The following ANKS3 variants were observed in gnomAD, a reference collection of about 807,000 sequenced individuals.
The protein encoded by ANKS3 is ankyrin repeat and SAM domain-containing protein 3.
Under a neutral mutation model 80.7 loss-of-function variants are expected in ANKS3, and 62 were observed. That is an observed-to-expected ratio of 0.77 (90% CI 0.63 to 0.95). The LOEUF (loss-of-function observed/expected upper bound fraction) is 0.95, where lower values mean the gene tolerates loss of function less well. Ranked by LOEUF, ANKS3 falls within the 40% of genes least tolerant of loss-of-function variation. ANKS3 has a pLI of 0.00. For missense variants in ANKS3, 1,150 were observed against 883.6 expected (o/e 1.30, Z -3.82); for synonymous variants, 489 against 355.3 (o/e 1.38, Z -4.23).
chr16:4,717,898 T>C (rs1213109495), intron 6 of ANKS3, among the ~76,000 whole-genome samples: 1 of 151,712 alleles, frequency 6.6e-6, no homozygotes, highest in Non-Finnish European at 1.5e-5. Context: ...CGGGTTCAAG[T>C]GATTCTCCCG....
At position 4,696,991 on chromosome 16, in the gene ANKS3, C is replaced by A. The variant is rs545952268; in HGVS notation, c.*11+26G>T. The A allele has an allele frequency of 6.2e-6, 10 of 1,607,880 alleles. No individual in the cohort carries two copies. In the South Asian group the frequency reaches 1.0e-4, roughly 16 times the overall value. On this transcript the variant is annotated intron_variant, in intron 17 of 17. Transcript: ENST00000304283. ...GACAGGCCCTGCTGCTCCCACCACG[C>A]GGGATCCAGGCTGGCAGACACTCAC... is the stretch of plus-strand genomic sequence containing the variant.
At position 4,726,663 on chromosome 16, in the gene ANKS3, C is replaced by T. The variant is rs774961847; in HGVS notation, c.487G>A (p.Val163Met). 8.1e-6 allele frequency: 13 copies of T among 1,613,664 alleles called. No homozygotes were observed. The highest frequency in any genetic ancestry group is 1.7e-4 in the Middle Eastern group (1 of 6,058). The change falls in exon 5 of 18, where the codon GTG becomes ATG. Residue 163 changes from valine (V) to methionine (M), a missense_variant. Val to Met is a conservative substitution (Grantham distance 21). Coordinates refer to ENST00000304283, the MANE Select transcript of ANKS3 (RefSeq NM_133450.4). ...CACTAAAGATGTGGCAATCACCTCACGTTGGCATTGGCTCCACTGTCCAAG... is the reference window on the plus strand; with the variant it reads ...CACTAAAGATGTGGCAATCACCTCATGTTGGCATTGGCTCCACTGTCCAAG... ...FLLDSGANANVREPICGFTPL... is the reference protein window; with the variant it reads ...FLLDSGANANMREPICGFTPL...
chr16:4,719,130 T>C (rs1056899167), intron 6 of ANKS3, among the ~76,000 whole-genome samples: 1 of 151,072 alleles, frequency 6.6e-6, no homozygotes, highest in African/African-American at 2.4e-5. Flanking sequence ...CAGCCAGGAG[T>C]TTGAGACCAG....
At chr16:4,713,265 G>A (rs1016063657) in intron 7 of ANKS3, among the ~76,000 whole-genome samples, 3 of 151,380 alleles carry the variant, frequency 2.0e-5, no homozygotes, top group Admixed American at 2.0e-4. Flanking sequence ...CGAAACTCCC[G>A]TATCAAAAAA....
chr16:4,719,143 T>A lies in ANKS3; in HGVS notation c.574-4957A>T, dbSNP rs145600463. Among the ~76,000 whole-genome samples, 633 of 152,030 alleles carry A rather than the reference T, an allele frequency of 4.2e-3. 6 individuals carry two copies. The highest frequency in any genetic ancestry group is 0.014 in the African/African-American group (600 of 41,470). ...TGCAGCCAGGAGTTTGAGACCAGCC[T>A]AAGCAACTTAGTGAGACCCCAACTC... is the stretch of plus-strand genomic sequence containing the variant. On this transcript the variant is annotated intron_variant, in intron 6 of 17. Coordinates refer to ENST00000304283, the MANE Select transcript of ANKS3 (RefSeq NM_133450.4).
chr16:4,703,183 G>C (rs960581169), intron 8 of ANKS3, among the ~76,000 whole-genome samples: 2 of 152,184 alleles, frequency 1.3e-5, no homozygotes, highest in Non-Finnish European at 2.9e-5. Context: ...CACCATCATG[G>C]GTCACTACAG....
At chr16:4,716,288 G>A (rs944361426) in intron 6 of ANKS3, among the ~76,000 whole-genome samples, 2 of 150,300 alleles carry the variant, frequency 1.3e-5, no homozygotes, top group South Asian at 2.1e-4. Flanking sequence ...TTGAACCCAG[G>A]AGGTGGAGGT....
At chr16:4,708,991 C>A (rs979748501) in intron 7 of ANKS3, among the ~76,000 whole-genome samples, 54 of 151,266 alleles carry the variant, frequency 3.6e-4, no homozygotes, top group Non-Finnish European at 2.8e-4. Context: ...TGAGGCCGGG[C>A]GCAGTGGCTC....
chr16:4,727,945 G>T (rs563478760), intron 3 of ANKS3: 1 of 152,448 alleles, frequency 6.6e-6, no homozygotes, highest in African/African-American at 2.4e-5. Context: ...ATCCTACATG[G>T]TTAACGCCCA....
intron 2 of ANKS3, among the ~76,000 whole-genome samples, chr16:4,730,452 C>A (rs971189952): frequency 1.3e-5 from 2 of 152,162 alleles, no homozygotes; most frequent in Non-Finnish European, 2.9e-5. Flanking sequence ...AGAGAATTCT[C>A]CACCAACTCT....
intron 6 of ANKS3, among the ~76,000 whole-genome samples, chr16:4,724,426 G>C (rs1436321267): frequency 6.6e-6 from 1 of 152,200 alleles, no homozygotes; most frequent in Non-Finnish European, 1.5e-5. Flanking sequence ...GAAAAAGAGA[G>C]GAGGATCTCT....
In ANKS3 at chr16:4,698,605, G is replaced by A; in HGVS notation, c.1552-6C>T. ...GCCTCTACCTCCTCGCAGCGCTGCA[G>A]GGGGGTGGGGGGCGCGGGGAGGCTG... On this transcript the variant is annotated splice_polypyrimidine_tract_variant and splice_region_variant and intron_variant, in intron 13 of 17. Transcript: ENST00000304283. 1 of 1,546,840 alleles carries A rather than the reference G, an allele frequency of 6.5e-7. No homozygotes were observed. The highest frequency in any genetic ancestry group is 8.7e-7 in the Non-Finnish European group (1 of 1,153,402).
chr16:4,697,558 A>C, intron 15 of ANKS3, 142 bp from the exon 16 acceptor site: 1 of 662,546 alleles, frequency 1.5e-6, no homozygotes, highest in Non-Finnish European at 2.5e-6. Flanking sequence ...CAACCTCCCA[A>C]GGCCGAGGCA....
At chr16:4,698,190 A>G (rs1408028267) in intron 14 of ANKS3, 128 bp from the exon 15 acceptor site, 19 of 1,211,224 alleles carry the variant, frequency 1.6e-5, no homozygotes, top group Non-Finnish European at 2.2e-5. Context: ...GGGCTGGGCC[A>G]GTGCCCCATG....
At position 4,731,310 on chromosome 16, in the gene ANKS3, C is replaced by T. The variant is rs150795855; in HGVS notation, c.-3+202G>A. Among the ~76,000 whole-genome samples the T allele has an allele frequency of 9.5e-3, 1,441 of 152,246 alleles. 29 individuals are homozygous for T. Among genetic ancestry groups the T allele is most frequent in the African/African-American group, 0.033 (1,363 of 41,546 alleles). On this transcript the variant is annotated intron_variant, in intron 2 of 17. Transcript: ENST00000304283. Reference sequence around the variant, plus strand: ...TTTATTTATTTTTTTGAGACAGTCTCGCTCTGTTGCCCAGGCTGGAGTGCA... The same window carrying T: ...TTTATTTATTTTTTTGAGACAGTCTTGCTCTGTTGCCCAGGCTGGAGTGCA...
rs116556475 is a variant in ANKS3, at chr16:4,725,312, G to A, written c.492-481C>T. Among the ~76,000 whole-genome samples, 689 of 152,164 alleles carry A rather than the reference G, an allele frequency of 4.5e-3. 6 individuals carry two copies. Among genetic ancestry groups the A allele is most frequent in the African/African-American group, 0.016 (658 of 41,500 alleles). ...TTTTCATGCTTGGTTATGCTAACTC[G>A]GCACTGTCTTCAGAGGGCTTCCAAA... On this transcript the variant is annotated intron_variant, in intron 5 of 17. Coordinates refer to ENST00000304283, the MANE Select transcript of ANKS3 (RefSeq NM_133450.4).
chr16:4,715,234 G>C (rs551872796), intron 6 of ANKS3, among the ~76,000 whole-genome samples: 4 of 152,124 alleles, frequency 2.6e-5, no homozygotes, highest in African/African-American at 9.6e-5. Flanking sequence ...CGGCTCAGGA[G>C]TTGGACAACA....
chr16:4,726,905 C>A, intron 4 of ANKS3, 74 bp downstream of exon 4: 2 of 1,605,674 alleles, frequency 1.2e-6, no homozygotes, highest in Non-Finnish European at 1.7e-6. Flanking sequence ...CCGTGGCCTG[C>A]AGTGGTTCGC....
rs908560647 is a variant in ANKS3, at chr16:4,724,769, A to T, written c.554T>A (p.Val185Glu). ...ACTTACGTGATTCAGAAAATACTGC[A>T]CGATTATCTCATGGCCAGCAGCAGC... ...EAAAAGHEII[V>E]QYFLNHGVKV... is the part of the protein sequence containing the mutation. Residue 185 changes from valine (V) to glutamate (E), a missense_variant, in exon 6 of 18, where the codon GTG becomes GAG. Physicochemically the swap from Val to Glu is moderately radical, Grantham distance 121. Coordinates refer to ENST00000304283, the MANE Select transcript of ANKS3 (RefSeq NM_133450.4). 1 of 1,613,862 alleles carries T rather than the reference A, an allele frequency of 6.2e-7. No homozygotes were observed. Among genetic ancestry groups the T allele is most frequent in the South Asian group, 1.1e-5 (1 of 91,012 alleles).
Sources: gnomAD v4.1 joint callset for allele counts (sites outside exome capture counted in the v4.1 genomes callset) on GRCh38, gnomAD v4.1.1 for gene constraint, MANE v1.5 for transcripts, NCBI Gene and HGNC (gene_info 2026-07-23, HGNC 2026-07-21) for gene names.